CRY1: variants seen among roughly 807,000 people sequenced by gnomAD.
CRY1 encodes cryptochrome circadian regulator 1.
In CRY1, 45 loss-of-function variants were observed where a neutral mutation model predicts 76.0. The observed-to-expected ratio is 0.59, with a 90% CI of 0.47 to 0.76. The LOEUF (loss-of-function observed/expected upper bound fraction) is 0.76. Ranked by LOEUF, CRY1 falls within the 30% of genes least tolerant of loss-of-function variation. The probability of loss-of-function intolerance (pLI) is 0.00; values close to 1 mark genes in which losing one functional copy is unlikely to be tolerated. For missense variants in CRY1, 587 were observed against 716.4 expected, an observed-to-expected ratio of 0.82 and a Z score of 2.06; for synonymous variants, 248 against 244.0, an observed-to-expected ratio of 1.02 and a Z score of -0.15.
intron 1 of CRY1, among the ~76,000 whole-genome samples, 197 bp downstream of exon 1, chr12:107,092,607 G>A (rs1434881808): frequency 4.6e-5 from 7 of 152,184 alleles, no homozygotes; most frequent in Non-Finnish European, 1.5e-5. Flanking sequence ...AAGACCGAGT[G>A]TTTCAGGTCG....
chr12:107,055,181 T>C (rs1381783582), intron 1 of CRY1, among the ~76,000 whole-genome samples: 1 of 152,138 alleles, frequency 6.6e-6, no homozygotes, highest in African/African-American at 2.4e-5. Context: ...CTGAAATTAT[T>C]TACAGCATAG....
intron 1 of CRY1, among the ~76,000 whole-genome samples, chr12:107,056,577 A>G (rs1205472723): frequency 6.7e-6 from 1 of 148,204 alleles, no homozygotes; most frequent in Non-Finnish European, 1.5e-5. Flanking sequence ...ATTTAAGCAC[A>G]GACTTTTTTT....
At chr12:107,066,376 T>C (rs984828942) in intron 1 of CRY1, among the ~76,000 whole-genome samples, 23 of 152,258 alleles carry the variant, frequency 1.5e-4, no homozygotes, top group East Asian at 1.9e-4. Flanking sequence ...CATCCTTTTA[T>C]CTTTAAATGT....
At chr12:107,004,420 G>C (rs930713545) in intron 3 of CRY1, among the ~76,000 whole-genome samples, 2 of 152,062 alleles carry the variant, frequency 1.3e-5, no homozygotes, top group African/African-American at 2.4e-5. Context: ...TAAATTATAA[G>C]ATTTCAGTAC....
chr12:107,022,813 T>C lies in CRY1; in HGVS notation c.159-621A>G, dbSNP rs192417457. 2.8e-3 allele frequency among the ~76,000 whole-genome samples: 417 copies of C among 150,980 alleles called. 2 individuals are homozygous for C. Among genetic ancestry groups the C allele is most frequent in the African/African-American group, 9.2e-3 (378 of 41,150 alleles). ...GATGCCAAATTATGTGGTTATTAAT[T>C]CCCTGAGTGTAGAAAATGCCAGATT... On this transcript the variant is annotated intron_variant, in intron 1 of 12. Coordinates refer to ENST00000008527, the MANE Select transcript of CRY1 (RefSeq NM_004075.5).
intron 1 of CRY1, among the ~76,000 whole-genome samples, chr12:107,034,429 C>T (rs1049361109): frequency 6.6e-6 from 1 of 152,122 alleles, no homozygotes; most frequent in African/African-American, 2.4e-5. Context: ...CATGATGCTG[C>T]TCTGTCTATG....
chr12:107,077,156 CACACAA>C (rs1953265758), intron 1 of CRY1, among the ~76,000 whole-genome samples: 2 of 151,448 alleles, frequency 1.3e-5, no homozygotes. Flanking sequence ...CCAACACATA[CACACAA>C]ACACACACAC....
chr12:107,085,519 T>C (rs1953387954), intron 1 of CRY1, among the ~76,000 whole-genome samples: 2 of 152,144 alleles, frequency 1.3e-5, no homozygotes, highest in Non-Finnish European at 2.9e-5. Context: ...TGCAGGGACA[T>C]GGATGAAGCT....
At chr12:107,054,635 G>T (rs1305563182) in intron 1 of CRY1, among the ~76,000 whole-genome samples, 2 of 141,952 alleles carry the variant, frequency 1.4e-5, no homozygotes, top group Non-Finnish European at 3.1e-5. Context: ...ACATCTAAAA[G>T]ACTCCAGAAA....
chr12:107,081,788 G>A (rs1221128369), intron 1 of CRY1, among the ~76,000 whole-genome samples: 3 of 151,962 alleles, frequency 2.0e-5, no homozygotes, highest in Non-Finnish European at 4.4e-5. Flanking sequence ...TTAAGAGGTG[G>A]GGCATTTAGG....
chr12:107,015,706 G>A (rs11113166), intron 2 of CRY1, among the ~76,000 whole-genome samples: 6,271 of 151,200 alleles, frequency 0.041, 226 homozygotes, highest in African/African-American at 0.1. Flanking sequence ...TTTTTTGAGC[G>A]AGGGTCTTGC....
At chr12:107,009,601 T>TATATATATATATATAA (rs1464424611) in intron 2 of CRY1, among the ~76,000 whole-genome samples, 1 of 18,316 alleles carries the variant, frequency 5.5e-5, no homozygotes, top group Non-Finnish European at 9.9e-5. Flanking sequence ...TATATATATA[T>TATATATATATATATAA]AAAATCTCTA....
intron 2 of CRY1, among the ~76,000 whole-genome samples, chr12:107,010,446 C>T (rs1411419336): frequency 1.4e-4 from 21 of 152,184 alleles, no homozygotes; most frequent in Non-Finnish European, 4.4e-5. Flanking sequence ...AGATATTGTG[C>T]ATTTTATAAA....
chr12:107,033,485 G>A (rs1952700919), intron 1 of CRY1, among the ~76,000 whole-genome samples: 1 of 152,122 alleles, frequency 6.6e-6, no homozygotes, highest in South Asian at 2.1e-4. Flanking sequence ...TTTCACTCAT[G>A]AGCATATTAT....
chr12:107,091,305 G>C (rs1953469254), intron 1 of CRY1, among the ~76,000 whole-genome samples: 1 of 152,162 alleles, frequency 6.6e-6, no homozygotes, highest in Non-Finnish European at 1.5e-5. Flanking sequence ...TGGGATTACA[G>C]GGATGAGCCA....
At chr12:107,067,367 T>G (rs1177034129) in intron 1 of CRY1, among the ~76,000 whole-genome samples, 2 of 152,172 alleles carry the variant, frequency 1.3e-5, no homozygotes, top group African/African-American at 2.4e-5. Flanking sequence ...CATAATTCAC[T>G]GATACACAAG....
intron 1 of CRY1, 93 bp downstream of exon 1, chr12:107,092,711 G>A (rs1384973743): frequency 6.5e-7 from 1 of 1,541,810 alleles, no homozygotes; most frequent in Non-Finnish European, 8.8e-7. Context: ...ACAGTCCCAC[G>A]TCTAAATTCA....
At chr12:107,088,678 T>C (rs895473545) in intron 1 of CRY1, among the ~76,000 whole-genome samples, 1 of 152,228 alleles carries the variant, frequency 6.6e-6, no homozygotes, top group Non-Finnish European at 1.5e-5. Context: ...TATTTTGTTA[T>C]AGCAGCTCAA....
At chr12:107,008,769 T>C (rs146997928) in intron 2 of CRY1, among the ~76,000 whole-genome samples, 1,895 of 152,294 alleles carry the variant, frequency 0.012, 33 homozygotes, top group African/African-American at 0.043. Context: ...GGGAGGTAAC[T>C]GAATCATGGG....
Sources: gnomAD v4.1 joint callset for allele counts (sites outside exome capture counted in the v4.1 genomes callset) on GRCh38, gnomAD v4.1.1 for gene constraint, MANE v1.5 for transcripts, NCBI Gene and HGNC (gene_info 2026-07-23, HGNC 2026-07-21) for gene names.